MMS19: variants seen among roughly 807,000 people sequenced by gnomAD.
MMS19 encodes the protein MMS19 nucleotide excision repair protein homolog.
In MMS19, 77 loss-of-function variants were observed where a neutral mutation model predicts 129.8. The observed-to-expected ratio is 0.59, with a 90% CI of 0.49 to 0.72. The LOEUF (loss-of-function observed/expected upper bound fraction) is 0.72. MMS19 is among the 30% of genes least tolerant of loss of function. The pLI is 0.00. For synonymous variants in MMS19, 491 were observed against 502.8 expected (o/e 0.98, Z 0.31); for missense variants, 1,168 against 1,266.3 (o/e 0.92, Z 1.18).
chr10:97,469,688 C>T lies in MMS19; in HGVS notation c.882G>A (p.Leu294=), dbSNP rs749398203. The change falls in exon 11 of 31, where the codon CTG becomes CTA. Residue 294 remains leucine, a synonymous_variant. Coordinates refer to ENST00000438925, the MANE Select transcript of MMS19 (RefSeq NM_022362.5). ...ACCAVYGQKE[L]KDFLPSLWAS... Reference sequence around the variant, plus strand: ...CCCAAAGGCTGGGGAGGAAGTCCTTCAGTTCCTTCTGTCCATACACAGCAC... The same window carrying T: ...CCCAAAGGCTGGGGAGGAAGTCCTTTAGTTCCTTCTGTCCATACACAGCAC... 5 of 1,614,028 alleles carry T rather than the reference C, an allele frequency of 3.1e-6. No individual in the cohort carries two copies. The highest frequency in any genetic ancestry group is 2.2e-5 in the East Asian group (1 of 44,880).
At chr10:97,461,147 T>C (rs553230263) in intron 23 of MMS19, 140 bp from the exon 24 acceptor site, 12 of 698,556 alleles carry the variant, frequency 1.7e-5, no homozygotes, top group South Asian at 1.2e-4. Context: ...GACAAAATGA[T>C]TGGACACCTG....
intron 23 of MMS19, 63 bp from the exon 24 acceptor site, chr10:97,461,070 CA>C: frequency 7.5e-7 from 1 of 1,342,150 alleles, no homozygotes; most frequent in Non-Finnish European, 1.0e-6. Flanking sequence ...CAATGAAATG[CA>C]AATCACTTTA....
chr10:97,470,571 G>T (rs1181198039), intron 9 of MMS19, among the ~76,000 whole-genome samples: 2 of 152,140 alleles, frequency 1.3e-5, no homozygotes, highest in African/African-American at 4.8e-5. Flanking sequence ...CTATAGGTGT[G>T]TGCCACTGAA....
At chr10:97,478,475 G>T in intron 3 of MMS19, 86 bp from the exon 4 acceptor site, 2 of 964,198 alleles carry the variant, frequency 2.1e-6, no homozygotes, top group East Asian at 2.7e-5. Context: ...TATAACAGTT[G>T]TTTCTGTTTG....
At chr10:97,491,520 C>G (rs964591257) in intron 1 of MMS19, among the ~76,000 whole-genome samples, 3 of 152,090 alleles carry the variant, frequency 2.0e-5, no homozygotes, top group African/African-American at 7.2e-5. Flanking sequence ...AAAAAATTAG[C>G]TGGGTGTAGT....
intron 19 of MMS19, 122 bp from the exon 20 acceptor site, chr10:97,462,804 A>T: frequency 1.3e-6 from 1 of 742,630 alleles, no homozygotes; most frequent in Non-Finnish European, 2.3e-6. Flanking sequence ...GCAGTTCTTA[A>T]TCTGGTCTCT....
rs1167954057 is a variant in MMS19 at position 97,458,534 on chromosome 10, T to C, written c.*158A>G. On this transcript the variant is annotated 3_prime_UTR_variant, in exon 31 of 31. Transcript: ENST00000438925. ...AATCCACTAGAAATATGGACTCTTA[T>C]GTTCTTTGTACAGCCATGCAACAGA... 8 of 679,792 alleles carry C rather than the reference T, an allele frequency of 1.2e-5. No individual in the cohort carries two copies. Among genetic ancestry groups the C allele is most frequent in the East Asian group, 2.7e-5 (1 of 36,592 alleles). 42.1% of individuals were successfully genotyped at this position (679,792 alleles called of 1,614,324 possible).
At chr10:97,498,179 C>A in intron 1 of MMS19, 94 bp downstream of exon 1, 2 of 1,227,966 alleles carry the variant, frequency 1.6e-6, no homozygotes, top group Non-Finnish European at 2.2e-6. Flanking sequence ...CTCTCAAAGT[C>A]ACCCCGCTCC....
At chr10:97,498,753 A>C, upstream of MMS19, 4 of 288,440 alleles carry the variant, frequency 1.4e-5, no homozygotes, top group South Asian at 1.1e-4. Flanking sequence ...GCTGTCGGTC[A>C]CATGCGCACC....
In MMS19 at chr10:97,498,400, C is replaced by T. The variant is rs757610171; in HGVS notation, c.-16G>A. The T allele has an allele frequency of 1.7e-5, 27 of 1,578,276 alleles. No individual in the cohort carries two copies. In the South Asian group the frequency reaches 2.6e-4, roughly 15 times the overall value. On this transcript the variant is annotated 5_prime_UTR_variant, in exon 1 of 31. Transcript: ENST00000438925. ...CAGCGGCCATAACGCGAACTAGAGA[C>T]CGTGGGAGGGGATATGGGCGGTGGC...
At chr10:97,465,364 C>CGCAATCTCAGCTCGCT (rs2033227312) in intron 18 of MMS19, among the ~76,000 whole-genome samples, 1 of 151,960 alleles carries the variant, frequency 6.6e-6, no homozygotes, top group Non-Finnish European at 1.5e-5. Flanking sequence ...AGTACAGTGG[C>CGCAATCTCAGCTCGCT]GCAATCTCAG....
At chr10:97,480,431 T>C in intron 3 of MMS19, 1 of 402,792 alleles carries the variant, frequency 2.5e-6, no homozygotes, top group Middle Eastern at 8.4e-4. Flanking sequence ...CTATACAAGA[T>C]AAATAAGTTG....
intron 3 of MMS19, among the ~76,000 whole-genome samples, chr10:97,478,646 T>A (rs758146878): frequency 1.8e-4 from 27 of 152,216 alleles, no homozygotes; most frequent in Admixed American, 4.6e-4. Context: ...ACTGCCTTTC[T>A]ACAGAACTAG....
At chr10:97,468,628 T>G (rs576427711) in intron 12 of MMS19, among the ~76,000 whole-genome samples, 1 of 152,322 alleles carries the variant, frequency 6.6e-6, no homozygotes, top group East Asian at 1.9e-4. Context: ...TGTTTTTTTT[T>G]TAGAGATGGA....
Position 97,460,156 on chromosome 10 carries a change from G to A in MMS19, c.2546C>T (p.Thr849Ile). 1 of 1,614,048 alleles carries A rather than the reference G, an allele frequency of 6.2e-7. No homozygotes were observed. The highest frequency in any genetic ancestry group is 8.5e-7 in the Non-Finnish European group (1 of 1,179,902). Residue 849 changes from threonine (T) to isoleucine (I), a missense_variant, in exon 26 of 31, where the codon ACT becomes ATT. Around this residue, in one of 3 missense-constraint regions of MMS19, gnomAD observed 831 missense variants for 910.8 expected, o/e 0.91. Transcript: ENST00000438925. ...DGFSLLMSDC[T>I]DVLTRAGHAE... Reference sequence around the variant, plus strand: ...ATGGCCAGCACGAGTCAGCACATCAGTGCAGTCAGACATGAGCAGAGAGAA... The same window carrying A: ...ATGGCCAGCACGAGTCAGCACATCAATGCAGTCAGACATGAGCAGAGAGAA...
intron 1 of MMS19, among the ~76,000 whole-genome samples, chr10:97,487,630 A>G (rs1159618923): frequency 6.6e-6 from 1 of 152,106 alleles, no homozygotes; most frequent in Non-Finnish European, 1.5e-5. Context: ...AAATATGAGA[A>G]AATTTCTAAG....
intron 27 of MMS19, 34 bp from the exon 28 acceptor site, chr10:97,459,560 C>T: frequency 1.2e-6 from 2 of 1,606,950 alleles, no homozygotes. Flanking sequence ...GGGATGGCCA[C>T]ATCATGAAGA....
At chr10:97,496,307 G>A (rs2039768880) in intron 1 of MMS19, among the ~76,000 whole-genome samples, 1 of 152,018 alleles carries the variant, frequency 6.6e-6, no homozygotes, top group Non-Finnish European at 1.5e-5. Flanking sequence ...CTTCAGTCCT[G>A]GAGTTAGAGA....
At chr10:97,493,182 A>G (rs2039218709) in intron 1 of MMS19, among the ~76,000 whole-genome samples, 2 of 151,982 alleles carry the variant, frequency 1.3e-5, no homozygotes, top group Admixed American at 1.3e-4. Flanking sequence ...GCTGATTTTT[A>G]AAGATTTTTG....
Sources: allele counts gnomAD v4.1 joint callset (sites outside exome capture counted in the v4.1 genomes callset), GRCh38; gene constraint gnomAD v4.1.1; regional missense constraint gnomAD v4.1.1; transcripts MANE v1.5; gene names NCBI Gene and HGNC (gene_info 2026-07-23, HGNC 2026-07-21).